The following MCPH1 variants were observed in gnomAD, a reference collection of about 807,000 sequenced individuals.
MCPH1 encodes the protein microcephalin.
A neutral mutation model predicts 84.5 loss-of-function variants in MCPH1; 104 were observed. The ratio of observed to expected loss-of-function variants is 1.23; its 90% CI spans 1.05 to 1.45. The LOEUF is 1.45. Among genes scored for constraint, MCPH1 ranks in the 40% most tolerant of loss-of-function variants. MCPH1 has a pLI of 0.00. For missense variants in MCPH1, 1,498 were observed against 1,005.7 expected, an observed-to-expected ratio of 1.49 and a Z score of -6.62; for synonymous variants, 514 against 366.8, an observed-to-expected ratio of 1.40 and a Z score of -4.58.
intron 12 of MCPH1, among the ~76,000 whole-genome samples, chr8:6,542,810 T>C (rs1821855676): frequency 6.6e-6 from 1 of 152,158 alleles, no homozygotes; most frequent in Non-Finnish European, 1.5e-5. Context: ...TTTTTCTTTT[T>C]CCAATAAACT....
At chr8:6,624,415 C>T (rs186205647) in intron 13 of MCPH1, among the ~76,000 whole-genome samples, 2 of 150,916 alleles carry the variant, frequency 1.3e-5, no homozygotes, top group Non-Finnish European at 3.0e-5. Flanking sequence ...GCGTCTCCAG[C>T]GTAGTGGGCG....
chr8:6,479,151 C>G lies in MCPH1; in HGVS notation c.1973+1520C>G, dbSNP rs566952957. On this transcript the variant is annotated intron_variant, in intron 10 of 13. Transcript: ENST00000344683. ...CTTGGTGGTGAATTGCCTATAGTCCCAACTACTTGGGAGGATAAGGCAGGA... is the reference window on the plus strand; with the variant it reads ...CTTGGTGGTGAATTGCCTATAGTCCGAACTACTTGGGAGGATAAGGCAGGA... 5.3e-5 allele frequency among the ~76,000 whole-genome samples: 8 copies of G among 152,166 alleles called. No individual in the cohort carries two copies. In the East Asian group the frequency reaches 1.6e-3, roughly 30 times the overall value.
At chr8:6,555,120 TC>T (rs1824361348) in intron 12 of MCPH1, among the ~76,000 whole-genome samples, 3 of 152,212 alleles carry the variant, frequency 2.0e-5, no homozygotes, top group African/African-American at 4.8e-5. Context: ...TTTTTTTTAC[TC>T]TTTTTATTTA....
At chr8:6,576,799 G>A (rs984808811) in intron 12 of MCPH1, among the ~76,000 whole-genome samples, 1 of 139,844 alleles carries the variant, frequency 7.2e-6, no homozygotes, top group African/African-American at 2.7e-5. Context: ...CCGTCCGCAG[G>A]TGAGCCACCC....
intron 8 of MCPH1, chr8:6,446,171 A>G: frequency 1.1e-6 from 1 of 886,602 alleles, no homozygotes; most frequent in South Asian, 5.2e-5. Flanking sequence ...CCTATTCATA[A>G]TTTAATTGTA....
intron 9 of MCPH1, among the ~76,000 whole-genome samples, chr8:6,469,336 A>C (rs1426030464): frequency 6.6e-6 from 1 of 152,232 alleles, no homozygotes; most frequent in African/African-American, 2.4e-5. Context: ...CTACTTGTTT[A>C]AAGATCTGGG....
rs941647620 is a variant in MCPH1, at chr8:6,647,252, G to C, written c.*4203G>C. 3.9e-5 allele frequency: 6 copies of C among 152,188 alleles called. No homozygotes were observed. Among genetic ancestry groups the C allele is most frequent in the African/African-American group, 1.4e-4 (6 of 41,450 alleles). The allele number at this position is 152,188 out of a possible 1,614,324, so 9.4% of individuals were successfully genotyped here. A position where few individuals can be genotyped will look rare whatever the true frequency, so the allele number is the denominator to read the frequency against. On this transcript the variant is annotated 3_prime_UTR_variant, in exon 14 of 14. Coordinates refer to ENST00000344683, the MANE Select transcript of MCPH1 (RefSeq NM_024596.5). ...CTATTACACACCCATTAGAATGACT[G>C]TAAACAACAAGACTGATAATTCCAA...
chr8:6,643,226 ATGTC>A lies in MCPH1; in HGVS notation c.*181_*184del, dbSNP rs886063070. 2.5e-5 allele frequency: 17 copies of A among 674,704 alleles called. No individual in the cohort carries two copies. Among genetic ancestry groups the A allele is most frequent in the Non-Finnish European group, 4.0e-5 (15 of 373,960 alleles). 41.8% of individuals were successfully genotyped at this position (674,704 alleles called of 1,614,324 possible). ...TCATAGGTGACTTTCTGATGACTGAATGTCTGTTTCAGAGACGCTTCGGGCCTTT... is the reference window on the plus strand; with the variant it reads ...TCATAGGTGACTTTCTGATGACTGAATGTTTCAGAGACGCTTCGGGCCTTT... On this transcript the variant is annotated 3_prime_UTR_variant, in exon 14 of 14. Coordinates refer to ENST00000344683, the MANE Select transcript of MCPH1 (RefSeq NM_024596.5).
At chr8:6,602,976 T>C (rs1439077738) in intron 12 of MCPH1, among the ~76,000 whole-genome samples, 1 of 151,502 alleles carries the variant, frequency 6.6e-6, no homozygotes, top group Non-Finnish European at 1.5e-5. Flanking sequence ...TGCCCTTGAG[T>C]GTGCATCCGT....
intron 12 of MCPH1, among the ~76,000 whole-genome samples, chr8:6,547,183 G>A (rs1822754072): frequency 6.6e-6 from 1 of 151,888 alleles, no homozygotes; most frequent in African/African-American, 2.4e-5. Flanking sequence ...TTGCTCTAAG[G>A]TGAACTAGTT....
chr8:6,566,200 G>A (rs1826137238), intron 12 of MCPH1, among the ~76,000 whole-genome samples: 1 of 152,220 alleles, frequency 6.6e-6, no homozygotes. Context: ...TCATTTAAAA[G>A]TTTAAAAACC....
At chr8:6,557,318 C>G (rs1489388910) in intron 12 of MCPH1, among the ~76,000 whole-genome samples, 2 of 152,072 alleles carry the variant, frequency 1.3e-5, no homozygotes, top group Admixed American at 1.3e-4. Context: ...CTTGCATCCA[C>G]CATACCTACC....
In MCPH1 at chr8:6,644,657, C is replaced by A. The variant is rs1246394615; in HGVS notation, c.*1608C>A. 1 of 152,144 alleles carries A rather than the reference C, an allele frequency of 6.6e-6. No homozygotes were observed. Among genetic ancestry groups the A allele is most frequent in the Admixed American group, 6.5e-5 (1 of 15,270 alleles). 9.4% of individuals were successfully genotyped at this position (152,144 alleles called of 1,614,324 possible). A position where few individuals can be genotyped will look rare whatever the true frequency, so the allele number is the denominator to read the frequency against. The stretch of plus-strand genomic sequence containing the variant: ...AGGCAAAGGATCTCTACAAGGAGAA[C>A]CATAAACGAGATGCTGAGTCCCAGC... On this transcript the variant is annotated 3_prime_UTR_variant, in exon 14 of 14. Coordinates refer to ENST00000344683, the MANE Select transcript of MCPH1 (RefSeq NM_024596.5).
chr8:6,469,582 G>A (rs1048366692), intron 9 of MCPH1, among the ~76,000 whole-genome samples: 1 of 152,150 alleles, frequency 6.6e-6, no homozygotes, highest in African/African-American at 2.4e-5. Context: ...CGTGAACAAG[G>A]TTAATAATCT....
At chr8:6,528,016 C>G (rs1043804474) in intron 12 of MCPH1, among the ~76,000 whole-genome samples, 6 of 151,822 alleles carry the variant, frequency 4.0e-5, no homozygotes, top group Non-Finnish European at 8.8e-5. Context: ...CTGCCTCATT[C>G]TCCCCAGTAG....
chr8:6,480,717 G>A lies in MCPH1; in HGVS notation c.1977G>A (p.Lys659=). The change falls in exon 11 of 14, where the codon AAG becomes AAA. Residue 659 remains lysine, a synonymous_variant. Coordinates refer to ENST00000344683, the MANE Select transcript of MCPH1 (RefSeq NM_024596.5). Reference sequence around the variant, plus strand: ...AATTTTTCCCCCGATTTGACAGAAAGCAGAATGTCGTCATCCAGGTTGTGG... The same window carrying A: ...AATTTTTCCCCCGATTTGACAGAAAACAGAATGTCGTCATCCAGGTTGTGG... ...TLVMTSMPSE[K]QNVVIQVVDK... is the part of the protein sequence containing the mutation. 1 of 1,614,158 alleles carries A rather than the reference G, an allele frequency of 6.2e-7. No individual in the cohort carries two copies. Among genetic ancestry groups the A allele is most frequent in the South Asian group, 1.1e-5 (1 of 91,078 alleles).
chr8:6,598,153 C>G (rs7819032), intron 12 of MCPH1, among the ~76,000 whole-genome samples: 43,493 of 152,162 alleles, frequency 0.29, 6,685 homozygotes, highest in Middle Eastern at 0.37. Flanking sequence ...AAAGGGGATG[C>G]TTCTGGGAGG....
intron 13 of MCPH1, chr8:6,625,428 A>T (rs1440146657): frequency 7.1e-6 from 7 of 985,304 alleles, no homozygotes; most frequent in Non-Finnish European, 8.4e-6. Context: ...CATTATAACA[A>T]ATGCTTCTCT....
At chr8:6,546,852 C>G (rs1822670063) in intron 12 of MCPH1, among the ~76,000 whole-genome samples, 1 of 152,114 alleles carries the variant, frequency 6.6e-6, no homozygotes, top group Non-Finnish European at 1.5e-5. Flanking sequence ...GCGAGTAAGT[C>G]AAAAAGAACT....
Sources: allele counts gnomAD v4.1 joint callset (sites outside exome capture counted in the v4.1 genomes callset), GRCh38; gene constraint gnomAD v4.1.1; transcripts MANE v1.5; gene names NCBI Gene and HGNC (gene_info 2026-07-23, HGNC 2026-07-21).